SGCD: variants seen among roughly 807,000 people sequenced by gnomAD.
SGCD encodes the protein delta-sarcoglycan.
In SGCD, 18 loss-of-function variants were observed where a neutral mutation model predicts 36.6. The observed-to-expected ratio is 0.49, with a 90% confidence interval of 0.34 to 0.73. SGCD has a LOEUF of 0.73. Ranked by LOEUF, SGCD falls within the 30% of genes least tolerant of loss-of-function variation. SGCD has a pLI of 0.01. For missense variants in SGCD, 387 were observed against 346.7 expected, an observed-to-expected ratio of 1.12 and a Z score of -0.92; for synonymous variants, 133 against 130.6, an observed-to-expected ratio of 1.02 and a Z score of -0.12.
intron 3 of SGCD, among the ~76,000 whole-genome samples, chr5:156,349,968 G>A (rs1385100998): frequency 1.3e-5 from 2 of 151,836 alleles, no homozygotes; most frequent in African/African-American, 4.8e-5. Context: ...TTTTCTAAGT[G>A]ATGTGACTCA....
At chr5:156,160,796 T>A (rs1763070222) in intron 3 of SGCD, among the ~76,000 whole-genome samples, 1 of 151,750 alleles carries the variant, frequency 6.6e-6, no homozygotes, top group Non-Finnish European at 1.5e-5. Context: ...TGATATTTTC[T>A]GTCTTTTCTT....
intron 7 of SGCD, among the ~76,000 whole-genome samples, chr5:156,651,548 G>A (rs408310): frequency 0.86 from 131,132 of 152,126 alleles, 56,696 homozygotes; most frequent in East Asian, 0.99. Context: ...ACCATTTATT[G>A]AATAGGGAAT....
intron 3 of SGCD, among the ~76,000 whole-genome samples, chr5:156,431,803 C>T (rs1362493274): frequency 1.3e-5 from 2 of 152,232 alleles, no homozygotes; most frequent in African/African-American, 4.8e-5. Context: ...GCAACCTCTG[C>T]CTCCCCAGTT....
chr5:155,864,372 A>G, the SGCD span, among the ~76,000 whole-genome samples: 1,198 of 152,274 alleles, frequency 7.9e-3, 14 homozygotes, highest in Middle Eastern at 0.031. Context: ...CATTGTGTTT[A>G]TCAGGAAGGC....
intron 7 of SGCD, among the ~76,000 whole-genome samples, chr5:156,671,556 G>A (rs1042389692): frequency 3.9e-5 from 6 of 152,154 alleles, no homozygotes; most frequent in Non-Finnish European, 7.4e-5. Context: ...TTACAGGCAT[G>A]AGCCACTGTG....
At chr5:155,968,841 A>C (rs1047572212) in intron 1 of SGCD, among the ~76,000 whole-genome samples, 2 of 152,094 alleles carry the variant, frequency 1.3e-5, no homozygotes, top group Admixed American at 1.3e-4. Flanking sequence ...TGTCTTCCAG[A>C]TATTTTTACA....
chr5:156,395,914 C>T (rs1242931950), intron 3 of SGCD, among the ~76,000 whole-genome samples: 1 of 152,226 alleles, frequency 6.6e-6, no homozygotes, highest in Non-Finnish European at 1.5e-5. Context: ...AAGGAGTCAT[C>T]CTACTTAGTT....
chr5:156,166,457 C>G (rs1763217110), intron 3 of SGCD, among the ~76,000 whole-genome samples: 1 of 152,148 alleles, frequency 6.6e-6, no homozygotes, highest in African/African-American at 2.4e-5. Flanking sequence ...GCTGGGACTA[C>G]AGATGCCAGA....
rs1264426450 is a variant in SGCD, at chr5:156,229,295, T to TACACACAC, written c.-43-100238_-43-100237insCACACACA. Among the ~76,000 whole-genome samples, 2 of 125,870 alleles carry TACACACAC rather than the reference T, an allele frequency of 1.6e-5. 1 individual carries two copies. The highest frequency in any genetic ancestry group is 6.1e-5 in the African/African-American group (2 of 32,842). 82.6% of individuals were successfully genotyped at this position (125,870 alleles called of 152,430 possible). A position where few individuals can be genotyped will look rare whatever the true frequency, so the allele number is the denominator to read the frequency against. ...ATACATACATATATATATATATATATATATAAAATTAGTTCTTCCATTGGT... is the reference window on the plus strand; with the variant it reads ...ATACATACATATATATATATATATATACACACACATATAAAATTAGTTCTTCCATTGGT... On this transcript the variant is annotated intron_variant, in intron 3 of 9. Transcript: ENST00000517913.
intron 3 of SGCD, among the ~76,000 whole-genome samples, chr5:156,260,993 C>A (rs181145142): frequency 6.6e-6 from 1 of 152,060 alleles, no homozygotes; most frequent in Non-Finnish European, 1.5e-5. Flanking sequence ...TCATATTCCT[C>A]TTGCATTTCT....
Position 156,508,589 on chromosome 5 carries a change from G to T in SGCD, c.193-12G>T, listed in dbSNP as rs727503421. On this transcript the variant is annotated splice_polypyrimidine_tract_variant and intron_variant, in intron 3 of 8. Coordinates refer to ENST00000337851, the MANE Select transcript of SGCD (RefSeq NM_000337.6). ...ATCATATCTTCCTTGTTATCTCTGT[G>T]TTCTATTTCAGGATGGAATGGGAAA... is the stretch of plus-strand genomic sequence containing the variant. 37 of 1,548,658 alleles carry T rather than the reference G, an allele frequency of 2.4e-5. No individual in the cohort carries two copies. The highest frequency in any genetic ancestry group is 1.1e-4 in the East Asian group (5 of 44,468).
At chr5:156,420,528 C>G (rs1415560237) in intron 3 of SGCD, among the ~76,000 whole-genome samples, 1 of 151,860 alleles carries the variant, frequency 6.6e-6, no homozygotes, top group Non-Finnish European at 1.5e-5. Context: ...TTTTTTTTGC[C>G]TGATATTTCT....
At chr5:156,553,373 C>T (rs1363624828) in intron 4 of SGCD, among the ~76,000 whole-genome samples, 3 of 152,186 alleles carry the variant, frequency 2.0e-5, no homozygotes, top group Admixed American at 2.0e-4. Context: ...TGTTCCCACA[C>T]TTGGAATAAG....
At chr5:156,051,010 T>C (rs1363018000) in intron 1 of SGCD, among the ~76,000 whole-genome samples, 1 of 146,510 alleles carries the variant, frequency 6.8e-6, no homozygotes, top group Non-Finnish European at 1.5e-5. Context: ...GATTGGCACA[T>C]GAGCATTCTT....
At chr5:156,228,015 T>C (rs1764901478) in intron 3 of SGCD, among the ~76,000 whole-genome samples, 2 of 152,206 alleles carry the variant, frequency 1.3e-5, no homozygotes, top group Non-Finnish European at 2.9e-5. Flanking sequence ...GTGCTTGATA[T>C]AATTTCAATT....
At chr5:156,738,892 AACATCCAGCAG>A (rs1192992941) in intron 7 of SGCD, among the ~76,000 whole-genome samples, 3 of 152,242 alleles carry the variant, frequency 2.0e-5, no homozygotes, top group East Asian at 1.9e-4. Flanking sequence ...TCCAAGGTGA[AACATCCAGCAG>A]ACATCCAGCA....
chr5:156,330,598 T>G (rs556406555), intron 2 of SGCD, among the ~76,000 whole-genome samples: 1 of 152,362 alleles, frequency 6.6e-6, no homozygotes, highest in Non-Finnish European at 1.5e-5. Context: ...CCTGCACTCT[T>G]TCTTTACTCT....
the SGCD span, among the ~76,000 whole-genome samples, chr5:155,731,308 G>A: frequency 6.6e-6 from 1 of 151,780 alleles, no homozygotes; most frequent in East Asian, 1.9e-4. Flanking sequence ...AGAAGAGTGT[G>A]AGAAAAGAGA....
intron 3 of SGCD, among the ~76,000 whole-genome samples, chr5:156,481,553 T>C (rs1036304318): frequency 6.6e-6 from 1 of 152,160 alleles, no homozygotes; most frequent in African/African-American, 2.4e-5. Flanking sequence ...AGCCCGTGGG[T>C]GCCTAATTTG....
Sources: gnomAD v4.1 joint callset for allele counts (sites outside exome capture counted in the v4.1 genomes callset) on GRCh38, gnomAD v4.1.1 for gene constraint, MANE v1.5 for transcripts, NCBI Gene and HGNC (gene_info 2026-07-23, HGNC 2026-07-21) for gene names.